PDIA5: variants seen among roughly 807,000 people sequenced by gnomAD.
PDIA5 encodes protein disulfide isomerase family A member 5, also known as protein disulfide-isomerase A5.
A neutral mutation model predicts 77.6 loss-of-function variants in PDIA5; 58 were observed. That is an observed-to-expected ratio of 0.75 (90% CI 0.61 to 0.93). The LOEUF is 0.93. Ranked by LOEUF, PDIA5 falls within the 40% of genes least tolerant of loss-of-function variation. The pLI is 0.00. For missense variants in PDIA5, 630 were observed against 647.7 expected (o/e 0.97, Z 0.30); for synonymous variants, 250 against 252.1 (o/e 0.99, Z 0.08).
At chr3:123,138,341 T>C (rs1012319713) in intron 11 of PDIA5, among the ~76,000 whole-genome samples, 1 of 152,242 alleles carries the variant, frequency 6.6e-6, no homozygotes, top group Non-Finnish European at 1.5e-5. Context: ...TTATTAAAAA[T>C]GCTTTTTTTT....
chr3:123,159,873 T>G (rs992527740), intron 15 of PDIA5, among the ~76,000 whole-genome samples: 3 of 152,312 alleles, frequency 2.0e-5, no homozygotes, highest in Non-Finnish European at 2.9e-5. Context: ...ATGAGGGACA[T>G]GATGAGTAAA....
intron 2 of PDIA5, among the ~76,000 whole-genome samples, chr3:123,091,192 G>A (rs1362298187): frequency 6.6e-6 from 1 of 152,118 alleles, no homozygotes; most frequent in Non-Finnish European, 1.5e-5. Flanking sequence ...TTCTCCGAGT[G>A]ACTCCATGCA....
intron 11 of PDIA5, among the ~76,000 whole-genome samples, chr3:123,141,555 G>A (rs1356353340): frequency 6.6e-6 from 1 of 152,146 alleles, no homozygotes; most frequent in Non-Finnish European, 1.5e-5. Flanking sequence ...GTTCATGCAG[G>A]GTGAGCCCCC....
At chr3:123,068,038 G>A (rs372130476) in intron 1 of PDIA5, among the ~76,000 whole-genome samples, 1 of 152,140 alleles carries the variant, frequency 6.6e-6, no homozygotes, top group African/African-American at 2.4e-5. Context: ...GTCGGAATGG[G>A]TGTGCCTGCC....
Position 123,145,465 on chromosome 3 carries a change from G to A in PDIA5, c.911-57G>A, listed in dbSNP as rs560405922. 12 of 1,363,828 alleles carry A rather than the reference G, an allele frequency of 8.8e-6. No homozygotes were observed. The East Asian group carries it at 2.1e-4, about 24-fold the overall frequency. 84.5% of individuals were successfully genotyped at this position (1,363,828 alleles called of 1,614,324 possible). ...GCTGCCTTACAGAGGCGGCGCAGGG[G>A]AGCATCCCGAGGGCCTCTGTGCCAT... On this transcript the variant is annotated intron_variant, in intron 11 of 16. Transcript: ENST00000316218.
At chr3:123,152,095 TCCTG>T (rs776350603) in intron 14 of PDIA5, among the ~76,000 whole-genome samples, 6 of 39,302 alleles carry the variant, frequency 1.5e-4, no homozygotes, top group East Asian at 1.5e-3. Context: ...CTTCCTGCCT[TCCTG>T]CCTTCCTTCC....
chr3:123,096,737 C>G (rs1049283578), intron 3 of PDIA5, among the ~76,000 whole-genome samples: 1 of 152,150 alleles, frequency 6.6e-6, no homozygotes, highest in African/African-American at 2.4e-5. Flanking sequence ...CCTCACTCCA[C>G]TCTTGGCTCA....
At chr3:123,156,137 C>T (rs576922391) in intron 15 of PDIA5, among the ~76,000 whole-genome samples, 3 of 152,180 alleles carry the variant, frequency 2.0e-5, no homozygotes, top group African/African-American at 7.2e-5. Flanking sequence ...ATCACCTTAA[C>T]AGGCCCAGAG....
chr3:123,094,853 G>C (rs1444296702), intron 3 of PDIA5, among the ~76,000 whole-genome samples: 1 of 152,194 alleles, frequency 6.6e-6, no homozygotes, highest in Non-Finnish European at 1.5e-5. Flanking sequence ...CCCTGCCCAC[G>C]AAGGGTTGGT....
intron 8 of PDIA5, among the ~76,000 whole-genome samples, chr3:123,122,785 C>A (rs774467427): frequency 6.6e-6 from 1 of 152,146 alleles, no homozygotes; most frequent in African/African-American, 2.4e-5. Flanking sequence ...TCCACTGAAA[C>A]GGTTATTTAT....
intron 3 of PDIA5, among the ~76,000 whole-genome samples, chr3:123,099,406 C>T (rs1309729954): frequency 6.6e-6 from 1 of 152,198 alleles, no homozygotes. Context: ...GCCAGTGGCC[C>T]TTTGGTGTGT....
chr3:123,092,482 G>A (rs1359629606), intron 3 of PDIA5, 40 bp downstream of exon 3: 1 of 1,455,900 alleles, frequency 6.9e-7, no homozygotes, highest in Non-Finnish European at 9.7e-7. Flanking sequence ...CTGCTGGGCA[G>A]AGGGGCACTT....
rs1935861991 is a variant in PDIA5, at chr3:123,150,338, A to ACT, written c.1248_1249insTC (p.Thr417SerfsTer97). 2 of 1,613,812 alleles carry ACT rather than the reference A, an allele frequency of 1.2e-6. No homozygotes were observed. Among genetic ancestry groups the ACT allele is most frequent in the Admixed American group, 1.7e-5 (1 of 59,984 alleles). On this transcript the variant is annotated frameshift_variant, in exon 14 of 17. Transcript: ENST00000316218. LOFTEE classifies it high-confidence loss of function. ...CGGGAGACCCTGAAGAAGAAGAAACACACCTTGGTCATGTTCTACGCCCCT... is the reference window on the plus strand; with the variant it reads ...CGGGAGACCCTGAAGAAGAAGAAACACTCACCTTGGTCATGTTCTACGCCCCT...
chr3:123,151,891 T>TGCCTG (rs1935913408), intron 14 of PDIA5, among the ~76,000 whole-genome samples: 2 of 120,562 alleles, frequency 1.7e-5, no homozygotes, highest in African/African-American at 6.8e-5. Context: ...CTGCCTGCCT[T>TGCCTG]CCTTCCTGCC....
At chr3:123,103,799 C>T (rs138781907) in intron 5 of PDIA5, among the ~76,000 whole-genome samples, 1 of 152,328 alleles carries the variant, frequency 6.6e-6, no homozygotes, top group Non-Finnish European at 1.5e-5. Flanking sequence ...TAGAGTTGCT[C>T]AGCCCTTCTT....
intron 8 of PDIA5, 101 bp downstream of exon 8, chr3:123,116,399 A>G (rs1934999441): frequency 3.4e-6 from 3 of 884,376 alleles, no homozygotes; most frequent in Admixed American, 1.9e-5. Flanking sequence ...AATGGTGAGG[A>G]TGACTGACCC....
intron 14 of PDIA5, among the ~76,000 whole-genome samples, chr3:123,152,099 GCCTTCCTTCCTTCCTT>G (rs55766491): frequency 2.5e-5 from 2 of 79,572 alleles, no homozygotes; most frequent in South Asian, 4.1e-4. Flanking sequence ...CTGCCTTCCT[GCCTTCCTTCCTTCCTT>G]CCTTCCTTCC....
Position 123,110,980 on chromosome 3 carries a change from C to G in PDIA5, c.517C>G (p.Leu173Val). 6.2e-7 allele frequency: 1 copy of G among 1,613,914 alleles called. No homozygotes were observed. Among genetic ancestry groups the G allele is most frequent in the Non-Finnish European group, 8.5e-7 (1 of 1,179,890 alleles). ...RRLLKKEEKP[L>V]LIMFYAPWCS... is the part of the protein sequence containing the mutation. ...GCTCCTGAAGAAGGAAGAGAAGCCG[C>G]TCCTGATCATGTTTTATGCCCCCTG... Residue 173 changes from leucine to valine, a missense_variant, in exon 7 of 17, where the codon CTC (leucine) becomes GTC (valine). By Grantham distance (32) the Leu-to-Val change is conservative. Coordinates refer to ENST00000316218, the MANE Select transcript of PDIA5 (RefSeq NM_006810.4).
intron 3 of PDIA5, among the ~76,000 whole-genome samples, chr3:123,094,069 G>A (rs1183747624): frequency 6.6e-6 from 1 of 152,212 alleles, no homozygotes; most frequent in African/African-American, 2.4e-5. Flanking sequence ...GAAACATGAT[G>A]TCTAGAGTCA....
Sources: allele counts gnomAD v4.1 joint callset (sites outside exome capture counted in the v4.1 genomes callset), GRCh38; gene constraint gnomAD v4.1.1; transcripts MANE v1.5; gene names NCBI Gene and HGNC (gene_info 2026-07-23, HGNC 2026-07-21).